NR2C1: variants seen among roughly 807,000 people sequenced by gnomAD.
NR2C1 encodes the protein nuclear receptor subfamily 2 group C member 1, also known as TR2 nuclear hormone receptor.
In NR2C1, 33 loss-of-function variants were observed where a neutral mutation model predicts 74.8. The ratio of observed to expected loss-of-function variants is 0.44; its 90% CI spans 0.33 to 0.59. The LOEUF (loss-of-function observed/expected upper bound fraction) is 0.59. Among genes scored for constraint, NR2C1 ranks in the 20% least tolerant of loss-of-function variants. NR2C1 has a pLI of 0.02. For missense variants in NR2C1, 568 were observed against 715.6 expected (o/e 0.79, Z 2.35); for synonymous variants, 225 against 240.6 (o/e 0.94, Z 0.60).
intron 9 of NR2C1, among the ~76,000 whole-genome samples, chr12:95,046,029 G>A (rs543990300): frequency 3.3e-5 from 5 of 151,882 alleles, no homozygotes; most frequent in African/African-American, 4.8e-5. Flanking sequence ...TAGTAAACAC[G>A]GGATTTCGTC....
At chr12:95,045,303 T>C (rs1872173533) in intron 9 of NR2C1, among the ~76,000 whole-genome samples, 1 of 152,124 alleles carries the variant, frequency 6.6e-6, no homozygotes, top group Non-Finnish European at 1.5e-5. Flanking sequence ...TGGAGGGCCC[T>C]AAAAGGTCAA....
In NR2C1 at chr12:95,028,343, T is replaced by A. The variant is rs763037091; in HGVS notation, c.1531+44A>T. On this transcript the variant is annotated intron_variant, in intron 12 of 13. Transcript: ENST00000333003. ...ATATGAGGGCTTCTATTTCTCCACA[T>A]CGTGAAACATTTTATTTTGAATAAA... 4.6e-6 allele frequency: 7 copies of A among 1,534,144 alleles called. No individual in the cohort carries two copies. The African/African-American group carries it at 9.7e-5, about 21-fold the overall frequency.
chr12:95,070,654 A>T (rs566856505), intron 1 of NR2C1, among the ~76,000 whole-genome samples: 2 of 152,312 alleles, frequency 1.3e-5, no homozygotes, highest in Non-Finnish European at 2.9e-5. Flanking sequence ...TCAGACCATC[A>T]GTGCTGCTTT....
chr12:95,022,461 G>A (rs1868871035), intron 13 of NR2C1, 58 bp from the exon 14 acceptor site: 1 of 1,370,770 alleles, frequency 7.3e-7, no homozygotes, highest in Non-Finnish European at 1.0e-6. Flanking sequence ...AAGAAATTTA[G>A]TAGAAAAATA....
intron 9 of NR2C1, among the ~76,000 whole-genome samples, chr12:95,042,666 A>G (rs1454744095): frequency 3.9e-5 from 6 of 152,222 alleles, no homozygotes; most frequent in African/African-American, 1.4e-4. Flanking sequence ...TGGTTTACCT[A>G]TTTATAAATT....
At chr12:95,069,960 C>T (rs1876344307) in intron 1 of NR2C1, among the ~76,000 whole-genome samples, 1 of 152,170 alleles carries the variant, frequency 6.6e-6, no homozygotes, top group South Asian at 2.1e-4. Context: ...TAAAGATGGT[C>T]TCTACCCTGA....
At chr12:95,029,203 T>C (rs1869743803) in intron 11 of NR2C1, among the ~76,000 whole-genome samples, 1 of 151,986 alleles carries the variant, frequency 6.6e-6, no homozygotes, top group Non-Finnish European at 1.5e-5. Context: ...CACCTCAGCC[T>C]CCTGAGTAGT....
chr12:95,060,959 C>T (rs1254500033), intron 3 of NR2C1, among the ~76,000 whole-genome samples: 1 of 152,158 alleles, frequency 6.6e-6, no homozygotes, highest in East Asian at 1.9e-4. Flanking sequence ...GCATCTATGG[C>T]AAGTATTACT....
At chr12:95,029,463 T>C (rs1043034015) in intron 11 of NR2C1, among the ~76,000 whole-genome samples, 3 of 151,754 alleles carry the variant, frequency 2.0e-5, no homozygotes, top group African/African-American at 7.3e-5. Flanking sequence ...AAAAACTATA[T>C]ATAAAAAATG....
At chr12:95,025,386 T>C in intron 12 of NR2C1, 131 bp from the exon 13 acceptor site, 1 of 551,862 alleles carries the variant, frequency 1.8e-6, no homozygotes, top group African/African-American at 2.0e-5. Flanking sequence ...AGGCCGGGCA[T>C]GGTGGCTCAC....
intron 10 of NR2C1, among the ~76,000 whole-genome samples, chr12:95,040,040 A>G (rs76308033): frequency 0.013 from 1,895 of 151,600 alleles, 35 homozygotes; most frequent in East Asian, 0.07. Flanking sequence ...ACATGATTGG[A>G]AAACAATTAT....
intron 10 of NR2C1, among the ~76,000 whole-genome samples, chr12:95,033,241 TAAC>T (rs1384479296): frequency 2.0e-5 from 3 of 150,878 alleles, no homozygotes; most frequent in Admixed American, 1.3e-4. Flanking sequence ...AAAGGGGAAA[TAAC>T]AAATATATAA....
intron 7 of NR2C1, among the ~76,000 whole-genome samples, chr12:95,054,841 A>T (rs905347779): frequency 6.6e-6 from 1 of 151,768 alleles, no homozygotes; most frequent in Non-Finnish European, 1.5e-5. Flanking sequence ...TAGTGGAGGG[A>T]CGGTCAGCAG....
At chr12:95,053,771 C>T (rs1169339815) in intron 7 of NR2C1, among the ~76,000 whole-genome samples, 7 of 150,098 alleles carry the variant, frequency 4.7e-5, no homozygotes, top group Admixed American at 4.6e-4. Context: ...GCAAGCTCCA[C>T]CTCCTGGGTT....
chr12:95,067,002 C>G (rs778338625), intron 2 of NR2C1: 66 of 312,784 alleles, frequency 2.1e-4, no homozygotes, highest in Non-Finnish European at 2.9e-5. Context: ...CCCACCAAAA[C>G]TAGGCTCAGA....
chr12:95,021,912 T>C lies in NR2C1; in HGVS notation c.*317A>G, dbSNP rs1462999840. The C allele has an allele frequency of 5.7e-6, 1 of 175,030 alleles. No homozygotes were observed. The highest frequency in any genetic ancestry group is 1.2e-5 in the Non-Finnish European group (1 of 83,674). 10.8% of individuals were successfully genotyped at this position (175,030 alleles called of 1,614,324 possible). ...ACACAATTCAGAAAAAAGAGACTAATTTATTTGTTTTATAAAATAGAATGA... is the reference window on the plus strand; with the variant it reads ...ACACAATTCAGAAAAAAGAGACTAACTTATTTGTTTTATAAAATAGAATGA... On this transcript the variant is annotated 3_prime_UTR_variant, in exon 14 of 14. Coordinates refer to ENST00000333003, the MANE Select transcript of NR2C1 (RefSeq NM_003297.4).
chr12:95,064,684 T>G (rs1422293364), intron 2 of NR2C1, among the ~76,000 whole-genome samples: 1 of 152,156 alleles, frequency 6.6e-6, no homozygotes, highest in East Asian at 1.9e-4. Context: ...ACAGAACTAT[T>G]TCAGCATTGA....
intron 10 of NR2C1, among the ~76,000 whole-genome samples, chr12:95,032,281 T>A (rs1319237008): frequency 6.6e-6 from 1 of 152,128 alleles, no homozygotes; most frequent in Admixed American, 6.5e-5. Context: ...GATTTTACTA[T>A]GAATAACAAG....
At chr12:95,041,518 AAAT>A (rs1871528426) in intron 9 of NR2C1, among the ~76,000 whole-genome samples, 1 of 152,064 alleles carries the variant, frequency 6.6e-6, no homozygotes, top group Non-Finnish European at 1.5e-5. Context: ...AACTGGCACT[AAAT>A]AAAAAAAAAA....
Sources: gnomAD v4.1 joint callset for allele counts (sites outside exome capture counted in the v4.1 genomes callset) on GRCh38, gnomAD v4.1.1 for gene constraint, MANE v1.5 for transcripts, NCBI Gene and HGNC (gene_info 2026-07-23, HGNC 2026-07-21) for gene names.